The following CELF2 variants were observed in gnomAD, a reference collection of about 807,000 sequenced individuals.
CELF2 encodes CUG triplet repeat RNA-binding protein 2.
A neutral mutation model predicts 62.6 loss-of-function variants in CELF2; 8 were observed. The observed-to-expected ratio is 0.13, with a 90% confidence interval of 0.07 to 0.23. CELF2 has a LOEUF of 0.23. Among genes scored for constraint, CELF2 ranks in the 10% least tolerant of loss-of-function variants. The pLI, the probability that CELF2 is intolerant of heterozygous loss-of-function variation, is 1.00. For synonymous variants in CELF2, 258 were observed against 250.0 expected, an observed-to-expected ratio of 1.03 and a Z score of -0.30; for missense variants, 333 against 671.0, an observed-to-expected ratio of 0.50 and a Z score of 5.56.
chr10:10,664,444 C>T, the CELF2 span, among the ~76,000 whole-genome samples: 1 of 152,086 alleles, frequency 6.6e-6, no homozygotes, highest in Non-Finnish European at 1.5e-5. Context: ...AGAAAAATGC[C>T]CTCCTAGACA....
the CELF2 span, among the ~76,000 whole-genome samples, chr10:10,562,542 C>T: frequency 6.6e-6 from 1 of 152,150 alleles, no homozygotes; most frequent in African/African-American, 2.4e-5. Flanking sequence ...AGATCCAAGA[C>T]TCTCTCCTGA....
At chr10:11,059,027 T>G (rs960614058) in intron 1 of CELF2, among the ~76,000 whole-genome samples, 3 of 152,200 alleles carry the variant, frequency 2.0e-5, no homozygotes, top group African/African-American at 4.8e-5. Context: ...AAGCAATGCT[T>G]CTTCCTTGGC....
chr10:10,529,025 A>G, the CELF2 span, among the ~76,000 whole-genome samples: 2 of 152,222 alleles, frequency 1.3e-5, no homozygotes, highest in Non-Finnish European at 2.9e-5. Flanking sequence ...TATCAGCCTG[A>G]GCAGGATAGA....
At position 11,017,897 on chromosome 10, in the gene CELF2, C is replaced by T. The variant is rs541044011; in HGVS notation, c.-193C>T. ...GCCCCCGCCCGCCGCACCTGGCGCT[C>T]GGCAGCCGGCCGCCCCGGCGCTGGA... On this transcript the variant is annotated 5_prime_UTR_variant, in exon 1 of 13. Transcript: ENST00000633077. This position sits in a 1 kb window ranked among gnomAD's most constrained non-coding sequence, Gnocchi z 5.5. The T allele has an allele frequency of 1.3e-5, 13 of 964,968 alleles. No homozygotes were observed. Among genetic ancestry groups the T allele is most frequent in the Non-Finnish European group, 1.6e-5 (13 of 813,524 alleles). The allele number at this position is 964,968 out of a possible 1,614,324, so 59.8% of individuals were successfully genotyped here.
Position 11,316,858 on chromosome 10 carries a change from CCT to C in CELF2, c.1096+2601_1096+2602del, listed in dbSNP as rs1487274616. On this transcript the variant is annotated intron_variant, in intron 10 of 12. Coordinates refer to ENST00000633077, the MANE Select transcript of CELF2 (RefSeq NM_001326342.2). This position sits in a 1 kb window ranked among gnomAD's most constrained non-coding sequence, Gnocchi z 4.4. The stretch of plus-strand genomic sequence containing the variant: ...TTTGAGTTTGATATCCTTTTTATTC[CCT>C]GATACATTAATGAGTCAAAGGGCTA... 1 of 152,082 alleles carries C rather than the reference CCT, an allele frequency of 6.6e-6. No homozygotes were observed. Among genetic ancestry groups the C allele is most frequent in the African/African-American group, 2.4e-5 (1 of 41,412 alleles). The allele number at this position is 152,082 out of a possible 1,614,324, so 9.4% of individuals were successfully genotyped here.
chr10:11,299,276 C>T (rs1274076176), intron 9 of CELF2, among the ~76,000 whole-genome samples: 1 of 152,230 alleles, frequency 6.6e-6, no homozygotes, highest in Non-Finnish European at 1.5e-5. Context: ...CTGCACCGGG[C>T]CCTTGCAGGG....
rs2083155645 is a variant in CELF2, at chr10:11,269,584, C to T, written c.619-1082C>T. On this transcript the variant is annotated intron_variant, in intron 6 of 12. Transcript: ENST00000633077. The surrounding 1 kb of genome is among the most constrained non-coding windows in gnomAD (Gnocchi z 4.4). The stretch of plus-strand genomic sequence containing the variant: ...TATTTTAATCACTTGGGTAGAATTA[C>T]TTCTTTATGCCTCAGCAAAATTGAA... Among the ~76,000 whole-genome samples the T allele has an allele frequency of 6.6e-6, 1 of 152,140 alleles. No homozygotes were observed. Among genetic ancestry groups the T allele is most frequent in the African/African-American group, 2.4e-5 (1 of 41,446 alleles).
the CELF2 span, among the ~76,000 whole-genome samples, chr10:10,777,941 A>G: frequency 1.3e-5 from 2 of 151,914 alleles, no homozygotes; most frequent in Admixed American, 6.6e-5. Context: ...CTTCAGCCGC[A>G]CCCCTTTTCT....
At chr10:11,185,322 A>G (rs996234133) in intron 2 of CELF2, among the ~76,000 whole-genome samples, 3 of 151,892 alleles carry the variant, frequency 2.0e-5, no homozygotes, top group African/African-American at 7.3e-5. Context: ...TTACAGGTGC[A>G]CGTCACCACA....
chr10:10,590,958 A>G, the CELF2 span, among the ~76,000 whole-genome samples: 2 of 152,232 alleles, frequency 1.3e-5, no homozygotes, highest in African/African-American at 4.8e-5. Context: ...CCTACTAAGC[A>G]CAAAATAAAT....
chr10:10,911,826 C>A (rs2063839147), intron 1 of CELF2, among the ~76,000 whole-genome samples: 1 of 152,228 alleles, frequency 6.6e-6, no homozygotes, highest in Admixed American at 6.5e-5. Context: ...GTTCTGAAAG[C>A]AGAACCACAT....
intron 2 of CELF2, among the ~76,000 whole-genome samples, chr10:10,965,959 G>A (rs1187621806): frequency 6.6e-6 from 1 of 152,182 alleles, no homozygotes; most frequent in African/African-American, 2.4e-5. Flanking sequence ...GAATGACTGT[G>A]ACAAGCAATG....
chr10:11,240,577 G>C, intron 3 of CELF2, among the ~76,000 whole-genome samples: 1 of 151,940 alleles, frequency 6.6e-6, no homozygotes, highest in East Asian at 1.9e-4. Context: ...CAAATTAGCC[G>C]GGGCTACACT....
At chr10:10,896,231 G>T (rs1242744376) in intron 1 of CELF2, among the ~76,000 whole-genome samples, 2 of 152,176 alleles carry the variant, frequency 1.3e-5, no homozygotes, top group African/African-American at 4.8e-5. Context: ...AACACCTCAA[G>T]ATCCACAGGG....
intron 1 of CELF2, among the ~76,000 whole-genome samples, chr10:10,869,568 G>GA (rs34926580): frequency 0.59 from 89,504 of 150,438 alleles, 27,867 homozygotes; most frequent in East Asian, 0.97. Flanking sequence ...TCATCTGGGG[G>GA]AAAAAAAAAT....
chr10:10,925,128 A>T (rs967838109), intron 2 of CELF2: 1 of 152,184 alleles, frequency 6.6e-6, no homozygotes, highest in Non-Finnish European at 1.5e-5. Flanking sequence ...GAGGGCTTTG[A>T]TAGGAAACAT....
At chr10:11,208,285 A>G (rs2060921976) in intron 2 of CELF2, among the ~76,000 whole-genome samples, 1 of 151,946 alleles carries the variant, frequency 6.6e-6, no homozygotes, top group South Asian at 2.1e-4. Flanking sequence ...CAAGAGGCAC[A>G]TCCACAGGAG....
intron 3 of CELF2, among the ~76,000 whole-genome samples, chr10:11,221,332 C>T (rs761471461): frequency 5.3e-5 from 8 of 152,164 alleles, no homozygotes; most frequent in Non-Finnish European, 1.2e-4. Flanking sequence ...TTGTGTTTCC[C>T]AGAGGGACAT....
the CELF2 span, among the ~76,000 whole-genome samples, chr10:10,533,722 A>G: frequency 6.6e-6 from 1 of 152,206 alleles, no homozygotes; most frequent in African/African-American, 2.4e-5. Context: ...TGTCCAGACA[A>G]GGAGATCTCT....
Sources: gnomAD v4.1 joint callset for allele counts (sites outside exome capture counted in the v4.1 genomes callset) on GRCh38, gnomAD v4.1.1 for gene constraint, Gnocchi (gnomAD v3.1) non-coding constraint, MANE v1.5 for transcripts, NCBI Gene and HGNC (gene_info 2026-07-23, HGNC 2026-07-21) for gene names.